The following EXTL3 variants were observed in gnomAD, a reference collection of about 807,000 sequenced individuals.
The protein encoded by EXTL3 is exostosin-like 3.
A neutral mutation model predicts 69.3 loss-of-function variants in EXTL3; 27 were observed. The observed-to-expected ratio is 0.39, with a 90% confidence interval of 0.29 to 0.54. The LOEUF (loss-of-function observed/expected upper bound fraction) is 0.54, where lower values mean the gene tolerates loss of function less well. EXTL3 is among the 20% of genes least tolerant of loss of function. EXTL3 has a pLI of 0.69. For missense variants in EXTL3, 1,003 were observed against 1,231.8 expected, an observed-to-expected ratio of 0.81 and a Z score of 2.78; for synonymous variants, 511 against 499.4, an observed-to-expected ratio of 1.02 and a Z score of -0.31.
intron 1 of EXTL3, among the ~76,000 whole-genome samples, chr8:28,634,669 C>T (rs1806624119): frequency 6.6e-6 from 1 of 150,712 alleles, no homozygotes; most frequent in African/African-American, 2.5e-5. Context: ...AATCTCAGCT[C>T]ATTGCAACCT....
rs397711641 is a variant in EXTL3, at chr8:28,722,774, T to TAA, written c.2148+4588_2148+4589dup. 9.4e-4 allele frequency among the ~76,000 whole-genome samples: 92 copies of TAA among 97,530 alleles called. 1 individual carries two copies. The highest frequency in any genetic ancestry group is 6.0e-3 in the East Asian group (22 of 3,654). The allele number at this position is 97,530 out of a possible 152,430, so 64.0% of individuals were successfully genotyped here. A position where few individuals can be genotyped will look rare whatever the true frequency, so the allele number is the denominator to read the frequency against. ...GGGTGATAGAGGGAGACCCTGTCTCTAAAAAAAAAAAAAAAAAAAAAAGAG... is the reference window on the plus strand; with the variant it reads ...GGGTGATAGAGGGAGACCCTGTCTCTAAAAAAAAAAAAAAAAAAAAAAAAGAG... On this transcript the variant is annotated intron_variant, in intron 3 of 6. Transcript: ENST00000220562.
rs560438897 is a variant in EXTL3 at position 28,642,140 on chromosome 8, T to A, written c.-53+19330T>A. ...GTGAGCCACCGTGCCCGGCCTTTTT[T>A]AATTTTTAATTAAAAATTTAGGCCA... On this transcript the variant is annotated intron_variant, in intron 1 of 6. Transcript: ENST00000523149. Among the ~76,000 whole-genome samples the A allele has an allele frequency of 4.5e-4, 68 of 152,008 alleles. No homozygotes were observed. In the East Asian group the frequency reaches 9.7e-3, roughly 22 times the overall value.
At chr8:28,658,464 C>CT (rs1003938511) in intron 1 of EXTL3, among the ~76,000 whole-genome samples, 6 of 152,096 alleles carry the variant, frequency 3.9e-5, no homozygotes, top group Non-Finnish European at 8.8e-5. Context: ...ATTCTATATT[C>CT]TTTTTTTCCC....
intron 1 of EXTL3, among the ~76,000 whole-genome samples, chr8:28,695,971 G>T (rs1193178897): frequency 6.6e-6 from 1 of 152,150 alleles, no homozygotes; most frequent in African/African-American, 2.4e-5. Context: ...AGGCTGGAGT[G>T]CAGTGGTGCG....
At chr8:28,681,090 G>C (rs1227329136) in intron 1 of EXTL3, among the ~76,000 whole-genome samples, 1 of 151,768 alleles carries the variant, frequency 6.6e-6, no homozygotes, top group Non-Finnish European at 1.5e-5. Flanking sequence ...TGGCCAGGCT[G>C]GTCTCAAACT....
chr8:28,622,538 G>A (rs1806428827), upstream of EXTL3, among the ~76,000 whole-genome samples: 1 of 151,502 alleles, frequency 6.6e-6, no homozygotes, highest in Admixed American at 6.6e-5. Flanking sequence ...GGAAAGGGCC[G>A]GGAGCCGACG....
intron 1 of EXTL3, among the ~76,000 whole-genome samples, chr8:28,642,583 A>G (rs1169567328): frequency 6.6e-6 from 1 of 151,876 alleles, no homozygotes; most frequent in African/African-American, 2.4e-5. Context: ...GTGCCAGTGT[A>G]CTCCAGTCGG....
intron 1 of EXTL3, among the ~76,000 whole-genome samples, chr8:28,691,975 A>G (rs569587839): frequency 2.0e-5 from 3 of 152,180 alleles, no homozygotes; most frequent in Non-Finnish European, 4.4e-5. Flanking sequence ...AGCCTGGTTA[A>G]ATGTACACGA....
At chr8:28,745,128 T>C (rs1407354328) in intron 6 of EXTL3, among the ~76,000 whole-genome samples, 1 of 151,438 alleles carries the variant, frequency 6.6e-6, no homozygotes, top group Non-Finnish European at 1.5e-5. Context: ...AATCCAGGAG[T>C]TCAAGGCTGA....
chr8:28,723,320 A>G (rs1417269451), intron 3 of EXTL3, among the ~76,000 whole-genome samples: 1 of 152,094 alleles, frequency 6.6e-6, no homozygotes, highest in Admixed American at 6.5e-5. Flanking sequence ...ACAACATTTT[A>G]CTTAATAACT....
intron 1 of EXTL3, among the ~76,000 whole-genome samples, chr8:28,673,511 C>G (rs1031977802): frequency 6.6e-6 from 1 of 152,110 alleles, no homozygotes; most frequent in Non-Finnish European, 1.5e-5. Flanking sequence ...ATTTACACAC[C>G]GTTGGTTCCC....
intron 1 of EXTL3, among the ~76,000 whole-genome samples, chr8:28,624,286 G>A (rs750168566): frequency 8.5e-5 from 13 of 152,196 alleles, no homozygotes; most frequent in South Asian, 4.1e-4. Flanking sequence ...TTGTGAGGCC[G>A]GGTGTGGTGG....
At chr8:28,713,903 C>CTTTTTTTTTTTTTTTT (rs55737430) in intron 2 of EXTL3, among the ~76,000 whole-genome samples, 10 of 113,774 alleles carry the variant, frequency 8.8e-5, no homozygotes, top group Admixed American at 1.8e-4. Context: ...TTCTTTCTTT[C>CTTTTTTTTTTTTTTTT]TTTTTTTTTT....
chr8:28,750,551 G>GATCA lies in EXTL3; in HGVS notation c.2551-105_2551-102dup, dbSNP rs1394805144. On this transcript the variant is annotated intron_variant, in intron 6 of 6. Transcript: ENST00000220562. The surrounding 1 kb of genome is among the most constrained non-coding windows in gnomAD (Gnocchi z 5.2). ...TCTGCAGGGATGTTGCCCCTGAGGG[G>GATCA]ATCAGCGTCTTCACCATGGACATGG... 6.3e-5 allele frequency: 59 copies of GATCA among 933,928 alleles called. 3 individuals are homozygous for GATCA. The South Asian group carries it at 7.6e-4, about 12-fold the overall frequency. The allele number at this position is 933,928 out of a possible 1,614,324, so 57.9% of individuals were successfully genotyped here.
chr8:28,695,407 A>AT (rs1027985867), intron 1 of EXTL3, among the ~76,000 whole-genome samples: 3 of 152,094 alleles, frequency 2.0e-5, no homozygotes, highest in African/African-American at 4.8e-5. Flanking sequence ...GATTATGAGG[A>AT]TTTTTTAAAT....
At chr8:28,662,879 C>T (rs1172762380) in intron 1 of EXTL3, among the ~76,000 whole-genome samples, 1 of 152,132 alleles carries the variant, frequency 6.6e-6, no homozygotes, top group African/African-American at 2.4e-5. Context: ...TGCACCATTG[C>T]CCAGTTGTTT....
chr8:28,607,778 C>G (rs950387906), intron 2 of EXTL3: 1 of 152,234 alleles, frequency 6.6e-6, no homozygotes. Context: ...CATCCACTGC[C>G]ATAGCACAGA....
At chr8:28,636,149 G>A (rs1210166395) in intron 1 of EXTL3, among the ~76,000 whole-genome samples, 6 of 152,026 alleles carry the variant, frequency 3.9e-5, no homozygotes, top group African/African-American at 7.2e-5. Context: ...TGGGCAACAC[G>A]GTGAAACCCT....
At chr8:28,740,277 CA>C (rs1801747590) in intron 5 of EXTL3, 1 of 152,116 alleles carries the variant, frequency 6.6e-6, no homozygotes. Context: ...GTTTTTCTTA[CA>C]CCTATTTCTT....
Sources: allele counts gnomAD v4.1 joint callset (sites outside exome capture counted in the v4.1 genomes callset), GRCh38; gene constraint gnomAD v4.1.1; non-coding constraint Gnocchi (gnomAD v3.1); transcripts MANE v1.5; gene names NCBI Gene and HGNC (gene_info 2026-07-23, HGNC 2026-07-21).